Variants in KCNQ5 observed in about 807,000 individuals in gnomAD.
KCNQ5 encodes potassium voltage-gated channel subfamily Q member 5, also known as potassium voltage-gated channel subfamily KQT member 5.
A neutral mutation model predicts 98.2 loss-of-function variants in KCNQ5; 30 were observed. That is an observed-to-expected ratio of 0.31 (90% CI 0.23 to 0.41). The LOEUF (loss-of-function observed/expected upper bound fraction) is 0.41. Among genes scored for constraint, KCNQ5 ranks in the 10% least tolerant of loss-of-function variants. The pLI is 1.00. For synonymous variants in KCNQ5, 458 were observed against 449.4 expected, an observed-to-expected ratio of 1.02 and a Z score of -0.24; for missense variants, 835 against 1,182.5, an observed-to-expected ratio of 0.71 and a Z score of 4.31.
At chr6:72,634,673 C>G (rs1565045918) in intron 1 of KCNQ5, among the ~76,000 whole-genome samples, 2 of 152,178 alleles carry the variant, frequency 1.3e-5, no homozygotes, top group African/African-American at 2.4e-5. Context: ...TCAAGCAATT[C>G]TCCTGCCTCA....
chr6:72,803,586 T>G (rs903551360), intron 1 of KCNQ5, among the ~76,000 whole-genome samples: 3 of 152,192 alleles, frequency 2.0e-5, no homozygotes, highest in Non-Finnish European at 2.9e-5. Flanking sequence ...TTCTCAGAAC[T>G]CTGGAGGTTT....
intron 1 of KCNQ5, among the ~76,000 whole-genome samples, chr6:72,813,627 A>C (rs377752408): frequency 2.0e-5 from 3 of 152,072 alleles, no homozygotes; most frequent in East Asian, 3.9e-4. Flanking sequence ...TGATTCCAGG[A>C]CCCCAGGGAC....
In KCNQ5 at chr6:73,190,619, C is replaced by T. The variant is rs763963230; in HGVS notation, c.1624C>T (p.Arg542Cys). ...AAAACGGAAGTTTAAGGAAACATTA[C>T]GTCCATATGATGTAAAAGATGTCAT... ...VAKRKFKETLRPYDVKDVIEQ... is the reference protein window; with the variant it reads ...VAKRKFKETLCPYDVKDVIEQ... Residue 542 changes from arginine (R) to cysteine (C), a missense_variant, in exon 12 of 14, where the codon CGT becomes TGT. By Grantham distance (180) the Arg-to-Cys change is radical. Coordinates refer to ENST00000370398, the MANE Select transcript of KCNQ5 (RefSeq NM_019842.4). 2.5e-6 allele frequency: 4 copies of T among 1,571,982 alleles called. No individual in the cohort carries two copies. The highest frequency in any genetic ancestry group is 3.5e-6 in the Non-Finnish European group (4 of 1,150,546).
intron 11 of KCNQ5, among the ~76,000 whole-genome samples, chr6:73,185,718 T>G (rs1778547066): frequency 1.3e-5 from 2 of 152,134 alleles, no homozygotes; most frequent in African/African-American, 4.8e-5. Context: ...GAGTTTGATG[T>G]TTATCCTATA....
At chr6:72,655,153 T>C (rs1406121647) in intron 1 of KCNQ5, among the ~76,000 whole-genome samples, 1 of 148,204 alleles carries the variant, frequency 6.7e-6, no homozygotes, top group African/African-American at 2.5e-5. Context: ...CTTGTTTCAG[T>C]AGCTATGTGC....
intron 3 of KCNQ5, among the ~76,000 whole-genome samples, chr6:73,049,541 C>A (rs1314587916): frequency 1.3e-5 from 2 of 152,130 alleles, no homozygotes; most frequent in East Asian, 3.9e-4. Flanking sequence ...TAAAGCACTG[C>A]CTCTTGTTAG....
intron 1 of KCNQ5, among the ~76,000 whole-genome samples, chr6:72,907,695 T>C (rs562148489): frequency 1.3e-3 from 200 of 152,268 alleles, no homozygotes; most frequent in African/African-American, 4.8e-3. Context: ...AAATAAGCTT[T>C]CAACACAGTT....
rs148011086 is a variant in KCNQ5 at position 72,897,505 on chromosome 6, G to A, written c.399-106403G>A. Among the ~76,000 whole-genome samples the A allele has an allele frequency of 1.4e-3, 208 of 152,226 alleles. 1 individual carries two copies. The highest frequency in any genetic ancestry group is 2.2e-3 in the Non-Finnish European group (150 of 68,018). On this transcript the variant is annotated intron_variant, in intron 1 of 13. Transcript: ENST00000370398. ...TGCGGGGAGCCGAGATTGTACCACC[G>A]CATTCCAGCATGGGCAACAGAGTCA...
intron 1 of KCNQ5, among the ~76,000 whole-genome samples, chr6:72,773,703 A>T (rs1272591472): frequency 6.6e-6 from 1 of 152,062 alleles, no homozygotes; most frequent in East Asian, 1.9e-4. Flanking sequence ...TTCTTTTCAT[A>T]CCTGAAAACA....
chr6:72,932,694 A>T (rs1765739242), intron 1 of KCNQ5, among the ~76,000 whole-genome samples: 1 of 152,208 alleles, frequency 6.6e-6, no homozygotes, highest in Admixed American at 6.5e-5. Flanking sequence ...TACATAGCCT[A>T]GGAATTAGCA....
chr6:73,072,341 C>A (rs986300879), intron 3 of KCNQ5, among the ~76,000 whole-genome samples: 1 of 152,134 alleles, frequency 6.6e-6, no homozygotes, highest in Non-Finnish European at 1.5e-5. Flanking sequence ...TGATTTAGTT[C>A]TTTTCATTGT....
At chr6:73,070,036 C>G (rs1156989823) in intron 3 of KCNQ5, among the ~76,000 whole-genome samples, 1 of 151,860 alleles carries the variant, frequency 6.6e-6, no homozygotes, top group Non-Finnish European at 1.5e-5. Flanking sequence ...GAAGCAGAAT[C>G]AACAAAAGTA....
At chr6:72,797,460 A>T (rs1261081247) in intron 1 of KCNQ5, among the ~76,000 whole-genome samples, 1 of 147,440 alleles carries the variant, frequency 6.8e-6, no homozygotes, top group Non-Finnish European at 1.5e-5. Context: ...AGCAGTGATC[A>T]CTCCACTGCA....
At position 73,020,895 on chromosome 6, in the gene KCNQ5, ATT is replaced by A. The variant is rs1582203521; in HGVS notation, c.489+16899_489+16900del. ...CATCTCTAGGCTAATTGCTGCACCA[ATT>A]TCCCTTAAAGGTGCCCACACATGCA... On this transcript the variant is annotated intron_variant, in intron 2 of 13. Coordinates refer to ENST00000370398, the MANE Select transcript of KCNQ5 (RefSeq NM_019842.4). Among the ~76,000 whole-genome samples the A allele has an allele frequency of 3.3e-5, 5 of 151,438 alleles. No homozygotes were observed. In the East Asian group the frequency reaches 9.7e-4, roughly 29 times the overall value.
At chr6:73,051,763 A>G (rs1772256669) in intron 3 of KCNQ5, among the ~76,000 whole-genome samples, 1 of 151,174 alleles carries the variant, frequency 6.6e-6, no homozygotes, top group Non-Finnish European at 1.5e-5. Context: ...CAGCAATTTC[A>G]AAGACTGAAG....
chr6:72,983,935 C>T (rs1768608202), intron 1 of KCNQ5, among the ~76,000 whole-genome samples: 1 of 152,212 alleles, frequency 6.6e-6, no homozygotes, highest in Non-Finnish European at 1.5e-5. Context: ...TCAGGTCCCT[C>T]AGCTGCAGAT....
chr6:73,055,440 C>T, intron 3 of KCNQ5: 1 of 1,539,740 alleles, frequency 6.5e-7, no homozygotes, highest in Non-Finnish European at 9.0e-7. Flanking sequence ...TGCAGGTGCT[C>T]CTATGATGTC....
At chr6:72,717,245 T>C (rs1769691871) in intron 1 of KCNQ5, among the ~76,000 whole-genome samples, 2 of 152,206 alleles carry the variant, frequency 1.3e-5, no homozygotes, top group Admixed American at 1.3e-4. Context: ...TTAAAAGGAA[T>C]GGTTGAGCCA....
chr6:72,931,724 A>T (rs1935526), intron 1 of KCNQ5, among the ~76,000 whole-genome samples: 40,253 of 151,992 alleles, frequency 0.26, 5,616 homozygotes, highest in Admixed American at 0.3. Flanking sequence ...AAATTTCCTT[A>T]AGAGGCATTT....
Sources: gnomAD v4.1 joint callset for allele counts (sites outside exome capture counted in the v4.1 genomes callset) on GRCh38, gnomAD v4.1.1 for gene constraint, MANE v1.5 for transcripts, NCBI Gene and HGNC (gene_info 2026-07-23, HGNC 2026-07-21) for gene names.